ECT2: variants seen among roughly 807,000 people sequenced by gnomAD.
ECT2 encodes the protein protein ECT2.
In ECT2, 61 loss-of-function variants were observed where a neutral mutation model predicts 116.9. The ratio of observed to expected loss-of-function variants is 0.52; its 90% CI spans 0.42 to 0.65. The LOEUF is 0.65. Ranked by LOEUF, ECT2 falls within the 30% of genes least tolerant of loss-of-function variation. ECT2 has a pLI of 0.00. For missense variants in ECT2, 937 were observed against 1,078.7 expected (o/e 0.87, Z 1.84); for synonymous variants, 358 against 346.4 (o/e 1.03, Z -0.37).
chr3:172,803,841 A>G (rs192112553), intron 20 of ECT2, among the ~76,000 whole-genome samples: 138 of 145,200 alleles, frequency 9.5e-4, no homozygotes, highest in Non-Finnish European at 1.7e-3. Context: ...TCTTACTCTC[A>G]TTGCCCAGCT....
chr3:172,764,187 T>G, intron 11 of ECT2, 91 bp from the exon 12 acceptor site: 1 of 1,142,836 alleles, frequency 8.8e-7, no homozygotes, highest in African/African-American at 1.6e-5. Context: ...AAAATCCAGA[T>G]TCTGTCAGAC....
chr3:172,808,186 T>G (rs1728115424), intron 22 of ECT2, among the ~76,000 whole-genome samples: 1 of 152,160 alleles, frequency 6.6e-6, no homozygotes, highest in African/African-American at 2.4e-5. Flanking sequence ...GTGAAGATTT[T>G]GGGACTTCTT....
At position 172,760,712 on chromosome 3, in the gene ECT2, C is replaced by CTTT. The variant is rs60727631; in HGVS notation, c.684+473_684+475dup. 2.4e-3 allele frequency among the ~76,000 whole-genome samples: 186 copies of CTTT among 76,212 alleles called. 21 individuals carry two copies. The highest frequency in any genetic ancestry group is 4.1e-3 in the African/African-American group (62 of 15,196). 50.0% of individuals were successfully genotyped at this position (76,212 alleles called of 152,430 possible). A position where few individuals can be genotyped will look rare whatever the true frequency, so the allele number is the denominator to read the frequency against. ...AGGGAATTTACTCTTGTCTAAGTGC[C>CTTT]TTTTTTTTTTTTTTTTTTTTTTTTT... On this transcript the variant is annotated intron_variant, in intron 7 of 24. Coordinates refer to ENST00000392692, the MANE Select transcript of ECT2 (RefSeq NM_001258315.2).
chr3:172,806,023 T>C (rs1727620244), intron 21 of ECT2, 154 bp downstream of exon 21: 5 of 723,760 alleles, frequency 6.9e-6, no homozygotes, highest in South Asian at 6.9e-5. Context: ...CTCTATCCCA[T>C]CTCCATCTCT....
Position 172,762,732 on chromosome 3 carries a change from C to A in ECT2, c.931C>A (p.Leu311Ile). The stretch of plus-strand genomic sequence containing the variant: ...GCTTGGAGATGAAAGATGCACTCAC[C>A]TTGTAGTTGAAGAGAATATAGTAAA... ...LPLGDERCTH[L>I]VVEENIVKDL... Residue 311 changes from leucine to isoleucine, a missense_variant, in exon 10 of 25, where the codon CTT becomes ATT. Transcript: ENST00000392692. 1 of 1,613,190 alleles carries A rather than the reference C, an allele frequency of 6.2e-7. No individual in the cohort carries two copies. The highest frequency in any genetic ancestry group is 8.5e-7 in the Non-Finnish European group (1 of 1,179,662).
chr3:172,783,872 G>A lies in ECT2; in HGVS notation c.1691G>A (p.Cys564Tyr). 1 of 1,604,138 alleles carries A rather than the reference G, an allele frequency of 6.2e-7. No homozygotes were observed. The highest frequency in any genetic ancestry group is 8.5e-7 in the Non-Finnish European group (1 of 1,175,588). ...ATGAGCAAGGAAACAATTATTAAAT[G>A]TGAAAAACAGAAACCAAGATTTCAT... ...FEMSKETIIK[C>Y]EKQKPRFHAF... Residue 564 changes from cysteine to tyrosine, a missense_variant, in exon 16 of 25, where the codon TGT (cysteine) becomes TAT (tyrosine). By Grantham distance (194) the Cys-to-Tyr change is radical. Coordinates refer to ENST00000392692, the MANE Select transcript of ECT2 (RefSeq NM_001258315.2).
intron 21 of ECT2, among the ~76,000 whole-genome samples, chr3:172,806,323 A>T (rs1727698374): frequency 1.3e-5 from 2 of 152,114 alleles, no homozygotes; most frequent in Non-Finnish European, 2.9e-5. Flanking sequence ...CAATAAATAA[A>T]CTCAGAGTAA....
intron 20 of ECT2, among the ~76,000 whole-genome samples, chr3:172,805,197 A>T (rs896821849): frequency 6.7e-6 from 1 of 149,652 alleles, no homozygotes; most frequent in Non-Finnish European, 1.5e-5. Context: ...TTAATGACAG[A>T]TTATGTTATA....
intron 24 of ECT2, among the ~76,000 whole-genome samples, chr3:172,819,546 A>G (rs1044085758): frequency 1.3e-5 from 2 of 152,046 alleles, no homozygotes; most frequent in African/African-American, 4.8e-5. Context: ...GGGTCTTGCT[A>G]AGTTGCCCAG....
chr3:172,812,570 A>T (rs1416927979), intron 22 of ECT2, among the ~76,000 whole-genome samples: 1 of 152,198 alleles, frequency 6.6e-6, no homozygotes, highest in African/African-American at 2.4e-5. Context: ...ATAAAACATA[A>T]CAGAAGAATA....
downstream of ECT2, among the ~76,000 whole-genome samples, chr3:172,824,044 C>A (rs1055593172): frequency 6.6e-6 from 1 of 151,730 alleles, no homozygotes; most frequent in Non-Finnish European, 1.5e-5. Flanking sequence ...GAACAAGTTA[C>A]CTTTGCCTTA....
intron 7 of ECT2, 36 bp downstream of exon 7, chr3:172,760,299 C>A: frequency 7.4e-7 from 1 of 1,343,452 alleles, no homozygotes; most frequent in Non-Finnish European, 1.1e-6. Flanking sequence ...TATTTCAATA[C>A]AGCATTATTT....
At chr3:172,767,702 A>G (rs758462861) in intron 12 of ECT2, among the ~76,000 whole-genome samples, 1 of 151,806 alleles carries the variant, frequency 6.6e-6, no homozygotes, top group Non-Finnish European at 1.5e-5. Context: ...AGATGTATAT[A>G]TATCTATAGA....
chr3:172,828,638 C>T, the ECT2 span: 16 of 175,942 alleles, frequency 9.1e-5, no homozygotes, highest in African/African-American at 3.5e-4. Context: ...TTTTTAGAAA[C>T]GTTGTGTTTA....
At chr3:172,767,040 T>G (rs1719538805) in intron 12 of ECT2, among the ~76,000 whole-genome samples, 1 of 152,248 alleles carries the variant, frequency 6.6e-6, no homozygotes, top group Non-Finnish European at 1.5e-5. Context: ...ATCTCAATTT[T>G]TTCCCACTGA....
rs1248749104 is a variant in ECT2 at position 172,802,655 on chromosome 3, G to A, written c.1947G>A (p.Lys649=). 1.2e-6 allele frequency: 2 copies of A among 1,602,992 alleles called. No homozygotes were observed. Among genetic ancestry groups the A allele is most frequent in the East Asian group, 4.5e-5 (2 of 44,524 alleles). The change falls in exon 19 of 25, where the codon AAG becomes AAA. Residue 649 remains lysine (K), a synonymous_variant. Transcript: ENST00000392692. Reference sequence around the variant, plus strand: ...ATAAGAGAAAAACAGAAGCTCAAAAGCAAATTTTTGATGTTGTTTATGAAG... The same window carrying A: ...ATAAGAGAAAAACAGAAGCTCAAAAACAAATTTTTGATGTTGTTTATGAAG... ...NEDKRKTEAQ[K]QIFDVVYEVD...
chr3:172,805,586 T>G, intron 20 of ECT2, 145 bp from the exon 21 acceptor site: 1 of 765,832 alleles, frequency 1.3e-6, no homozygotes, highest in East Asian at 2.7e-5. Context: ...TGTTACATAG[T>G]AACTCTGCTT....
chr3:172,753,082 G>A (rs1302178717), intron 1 of ECT2, among the ~76,000 whole-genome samples: 2 of 152,080 alleles, frequency 1.3e-5, no homozygotes, highest in Non-Finnish European at 2.9e-5. Context: ...ATTGAAAATT[G>A]ATAAAAAAAT....
chr3:172,784,672 AC>A, intron 16 of ECT2, 34 bp from the exon 17 acceptor site: 1 of 1,525,590 alleles, frequency 6.6e-7, no homozygotes, highest in Non-Finnish European at 9.1e-7. Flanking sequence ...TTTTCAGAAA[AC>A]CTTTTTTGAA....
Sources: allele counts gnomAD v4.1 joint callset (sites outside exome capture counted in the v4.1 genomes callset), GRCh38; gene constraint gnomAD v4.1.1; transcripts MANE v1.5; gene names NCBI Gene and HGNC (gene_info 2026-07-23, HGNC 2026-07-21).